GABRR2: variants seen among roughly 807,000 people sequenced by gnomAD.
GABRR2 encodes gamma-aminobutyric acid receptor subunit rho-2.
GABRR2 carries 36 observed loss-of-function variants against 47.0 expected under a neutral mutation model. The observed-to-expected ratio is 0.77, with a 90% CI of 0.59 to 1.01. The LOEUF (loss-of-function observed/expected upper bound fraction) is 1.01, where lower values mean the gene tolerates loss of function less well. GABRR2 is among the 50% of genes least tolerant of loss of function. GABRR2 has a pLI of 0.00. For synonymous variants in GABRR2, 204 were observed against 227.5 expected (o/e 0.90, Z 0.93); for missense variants, 587 against 594.6 (o/e 0.99, Z 0.13).
At chr6:89,287,631 G>A (rs887920110) in intron 2 of GABRR2, among the ~76,000 whole-genome samples, 8 of 152,172 alleles carry the variant, frequency 5.3e-5, no homozygotes, top group Non-Finnish European at 1.2e-4. Flanking sequence ...TCCTCACAAC[G>A]GCTGGCTAAG....
At chr6:89,285,066 T>C (rs923828563) in intron 2 of GABRR2, among the ~76,000 whole-genome samples, 4 of 152,212 alleles carry the variant, frequency 2.6e-5, no homozygotes, top group Admixed American at 6.5e-5. Flanking sequence ...CCTTTTCCAC[T>C]GACTCTAAGC....
rs569039609 is a variant in GABRR2 at position 89,302,084 on chromosome 6, GC to G, written c.114-2220del. ...TCAGAGTGGGGCCGGCAATAACTGG[GC>G]CAGGGGTCACTACACGGAGGGTGCG... On this transcript the variant is annotated intron_variant, in intron 1 of 8. Coordinates refer to ENST00000402938, the MANE Select transcript of GABRR2 (RefSeq NM_002043.5). 3.5e-4 allele frequency: 222 copies of G among 634,280 alleles called. 2 individuals carry two copies. The highest frequency in any genetic ancestry group is 2.0e-3 in the African/African-American group (110 of 55,146). 39.3% of individuals were successfully genotyped at this position (634,280 alleles called of 1,614,324 possible).
At chr6:89,297,750 G>A (rs973703199) in intron 2 of GABRR2, among the ~76,000 whole-genome samples, 16 of 152,198 alleles carry the variant, frequency 1.1e-4, no homozygotes, top group East Asian at 1.9e-4. Context: ...CTATTCAGGA[G>A]GCTGAGGGAG....
chr6:89,306,134 T>C (rs1212100148), intron 1 of GABRR2, among the ~76,000 whole-genome samples: 2 of 151,918 alleles, frequency 1.3e-5, no homozygotes, highest in Non-Finnish European at 1.5e-5. Context: ...CCTATCACTT[T>C]GGAAGGCCCA....
At position 89,257,651 on chromosome 6, in the gene GABRR2, AG is replaced by A. The variant is rs1228242503; in HGVS notation, c.*18del. 3.8e-6 allele frequency: 6 copies of A among 1,593,696 alleles called. No homozygotes were observed. The Admixed American group carries it at 8.6e-5, about 23-fold the overall frequency. The stretch of plus-strand genomic sequence containing the variant: ...CCCCTCGATGTCTATGCCCTCTTCT[AG>A]GAACAGCCTTGGAGCCCCTAGGAAA... On this transcript the variant is annotated 3_prime_UTR_variant, in exon 9 of 9. Transcript: ENST00000402938.
chr6:89,278,695 C>T (rs919801128), intron 2 of GABRR2, among the ~76,000 whole-genome samples: 1 of 152,240 alleles, frequency 6.6e-6, no homozygotes, highest in Admixed American at 6.5e-5. Context: ...CATCAACTTT[C>T]AGGGAGAGCA....
intron 3 of GABRR2, 43 bp from the exon 4 acceptor site, chr6:89,269,277 G>C (rs763733884): frequency 6.1e-6 from 9 of 1,474,686 alleles, no homozygotes; most frequent in African/African-American, 1.4e-5. Flanking sequence ...GGCTTAGAAG[G>C]TTTTCTTCCT....
intron 2 of GABRR2, among the ~76,000 whole-genome samples, chr6:89,279,769 A>G (rs1774225624): frequency 6.6e-6 from 1 of 151,978 alleles, no homozygotes. Flanking sequence ...GTACATACAT[A>G]ATTTCTCTTT....
chr6:89,313,864 C>T (rs902007462), intron 1 of GABRR2, among the ~76,000 whole-genome samples: 3 of 152,094 alleles, frequency 2.0e-5, no homozygotes, highest in Non-Finnish European at 4.4e-5. Flanking sequence ...TTGCAGTGAG[C>T]CAAGATTGCG....
At chr6:89,291,809 T>C (rs915255126) in intron 2 of GABRR2, among the ~76,000 whole-genome samples, 2 of 152,236 alleles carry the variant, frequency 1.3e-5, no homozygotes, top group Non-Finnish European at 2.9e-5. Flanking sequence ...TTTCATTTCA[T>C]GCAAAGTAAT....
At chr6:89,292,786 ACGATATATCGTATATATC>A (rs1562379737) in intron 2 of GABRR2, among the ~76,000 whole-genome samples, 5,082 of 91,816 alleles carry the variant, frequency 0.055, 1,041 homozygotes, top group African/African-American at 0.18. Context: ...TATCGTATAT[ACGATATATCGTATATATC>A]GTATATACGA....
At chr6:89,276,558 A>G (rs1774165941) in intron 2 of GABRR2, among the ~76,000 whole-genome samples, 1 of 152,196 alleles carries the variant, frequency 6.6e-6, no homozygotes, top group South Asian at 2.1e-4. Flanking sequence ...TACCATCTTT[A>G]ATAGTAAACC....
At chr6:89,302,005 T>C in intron 1 of GABRR2, 2 of 712,734 alleles carry the variant, frequency 2.8e-6, no homozygotes, top group South Asian at 3.2e-5. Flanking sequence ...CCATGGACAG[T>C]GTCGGCTCGG....
chr6:89,284,549 A>C lies in GABRR2; in HGVS notation c.221-12827T>G, dbSNP rs375360116. 3.9e-5 allele frequency among the ~76,000 whole-genome samples: 6 copies of C among 152,336 alleles called. No individual in the cohort carries two copies. The East Asian group carries it at 7.7e-4, about 20-fold the overall frequency. On this transcript the variant is annotated intron_variant, in intron 2 of 8. Coordinates refer to ENST00000402938, the MANE Select transcript of GABRR2 (RefSeq NM_002043.5). ...AGAGGCAGAAGAGAAGGTCAGAGTG[A>C]TGCCATGTTTAAGCAACTTAGCCCG...
intron 7 of GABRR2, among the ~76,000 whole-genome samples, chr6:89,264,919 C>A (rs1334524463): frequency 6.6e-6 from 1 of 152,064 alleles, no homozygotes; most frequent in East Asian, 2.0e-4. Context: ...TCTGAAGGAA[C>A]GTTCTCAAAC....
intron 8 of GABRR2, 46 bp from the exon 9 acceptor site, chr6:89,258,027 G>A (rs1188821708): frequency 1.3e-6 from 2 of 1,554,498 alleles, no homozygotes; most frequent in African/African-American, 1.4e-5. Flanking sequence ...TTGTGAGGTG[G>A]GCAGAGGAGG....
chr6:89,291,758 C>T (rs188372936), intron 2 of GABRR2, among the ~76,000 whole-genome samples: 2 of 152,338 alleles, frequency 1.3e-5, no homozygotes, highest in Non-Finnish European at 1.5e-5. Flanking sequence ...AATCATTTAT[C>T]TGTTTCCCCC....
intron 1 of GABRR2, among the ~76,000 whole-genome samples, chr6:89,313,017 G>C (rs1767704965): frequency 6.6e-6 from 1 of 152,178 alleles, no homozygotes; most frequent in Admixed American, 6.5e-5. Flanking sequence ...GCTGCTGAGT[G>C]GGGTCCCTGG....
chr6:89,292,742 A>ATCGTATCTCTGATATAT (rs559393643), intron 2 of GABRR2, among the ~76,000 whole-genome samples: 2 of 98,250 alleles, frequency 2.0e-5, no homozygotes, highest in Admixed American at 1.0e-4. Flanking sequence ...TATCATATAT[A>ATCGTATCTCTGATATAT]ATCGTATATA....
Sources: allele counts gnomAD v4.1 joint callset (sites outside exome capture counted in the v4.1 genomes callset), GRCh38; gene constraint gnomAD v4.1.1; transcripts MANE v1.5; gene names NCBI Gene and HGNC (gene_info 2026-07-23, HGNC 2026-07-21).